The following CSMD1 variants were observed in gnomAD, a reference collection of about 807,000 sequenced individuals.
CSMD1 encodes CUB and sushi domain-containing protein 1.
A neutral mutation model predicts 417.5 loss-of-function variants in CSMD1; 213 were observed. That is an observed-to-expected ratio of 0.51 (90% CI 0.46 to 0.57). The LOEUF (loss-of-function observed/expected upper bound fraction) is 0.57, where lower values mean the gene tolerates loss of function less well. Ranked by LOEUF, CSMD1 falls within the 20% of genes least tolerant of loss-of-function variation. The probability of loss-of-function intolerance (pLI) is 0.00; values close to 1 mark genes in which losing one functional copy is unlikely to be tolerated. For synonymous variants in CSMD1, 2,862 were observed against 1,736.8 expected (o/e 1.65, Z -16.11); for missense variants, 6,923 against 4,529.7 (o/e 1.53, Z -15.17).
At chr8:4,932,774 G>C (rs144653048) in intron 1 of CSMD1, among the ~76,000 whole-genome samples, 1 of 152,090 alleles carries the variant, frequency 6.6e-6, no homozygotes, top group African/African-American at 2.4e-5. Context: ...CTGACTTAAA[G>C]GTAAATTTTT....
At chr8:3,197,241 G>A (rs7835243) in intron 33 of CSMD1, among the ~76,000 whole-genome samples, 99,831 of 151,972 alleles carry the variant, frequency 0.66, 34,136 homozygotes, top group Non-Finnish European at 0.76. Context: ...GGAGTCACAC[G>A]TTTTTTTGCA....
chr8:4,108,186 C>G (rs1191431905), intron 3 of CSMD1, among the ~76,000 whole-genome samples: 5 of 152,000 alleles, frequency 3.3e-5, no homozygotes, highest in Non-Finnish European at 7.4e-5. Flanking sequence ...TTGTATCAGA[C>G]TCTATGGGAA....
At chr8:4,403,667 T>G (rs964593994) in intron 3 of CSMD1, among the ~76,000 whole-genome samples, 3 of 152,070 alleles carry the variant, frequency 2.0e-5, no homozygotes, top group Non-Finnish European at 4.4e-5. Flanking sequence ...CTCTCTAGAG[T>G]CTAACCCCTA....
intron 27 of CSMD1, 44 bp from the exon 28 acceptor site, chr8:3,223,911 A>G: frequency 6.2e-7 from 1 of 1,602,150 alleles, no homozygotes; most frequent in Non-Finnish European, 8.5e-7. Context: ...AGGACAGCGA[A>G]GAACGCCTGC....
chr8:3,115,459 C>A (rs542221949), intron 42 of CSMD1, among the ~76,000 whole-genome samples: 106 of 152,300 alleles, frequency 7.0e-4, no homozygotes, highest in Non-Finnish European at 1.3e-3. Context: ...ACCTCGGTCT[C>A]CCAAAGTGTT....
intron 10 of CSMD1, among the ~76,000 whole-genome samples, chr8:3,569,485 T>C (rs557814905): frequency 4.6e-5 from 7 of 152,216 alleles, no homozygotes; most frequent in East Asian, 1.9e-4. Flanking sequence ...TAAGAGAGAA[T>C]TGGCGTCGGA....
At chr8:4,273,375 G>A (rs143063722) in intron 3 of CSMD1, among the ~76,000 whole-genome samples, 65 of 152,184 alleles carry the variant, frequency 4.3e-4, no homozygotes, top group African/African-American at 1.5e-3. Context: ...AAATGGATGG[G>A]TTTCTGGATT....
intron 23 of CSMD1, among the ~76,000 whole-genome samples, chr8:3,311,030 G>T (rs1357171537): frequency 1.3e-5 from 2 of 152,100 alleles, no homozygotes; most frequent in African/African-American, 2.4e-5. Context: ...AACAAATGAG[G>T]TTACGTCCCA....
chr8:4,025,403 T>C (rs1797009381), intron 4 of CSMD1, among the ~76,000 whole-genome samples: 1 of 152,196 alleles, frequency 6.6e-6, no homozygotes, highest in African/African-American at 2.4e-5. Flanking sequence ...TTATAATCTA[T>C]CCTAGGCTGT....
At chr8:3,964,971 G>C (rs1001501098) in intron 5 of CSMD1, among the ~76,000 whole-genome samples, 2 of 152,154 alleles carry the variant, frequency 1.3e-5, no homozygotes, top group Non-Finnish European at 2.9e-5. Context: ...TTCTTGGAGA[G>C]TCACAGCAAA....
At chr8:4,149,464 C>A (rs1233119029) in intron 3 of CSMD1, among the ~76,000 whole-genome samples, 1 of 152,062 alleles carries the variant, frequency 6.6e-6, no homozygotes, top group Non-Finnish European at 1.5e-5. Flanking sequence ...AGGAAATCTT[C>A]CAATATATTT....
intron 3 of CSMD1, among the ~76,000 whole-genome samples, chr8:4,080,027 A>T (rs1384436987): frequency 2.6e-5 from 4 of 151,976 alleles, no homozygotes; most frequent in Non-Finnish European, 5.9e-5. Context: ...CTAGATATCA[A>T]AAGGGTGGTG....
intron 26 of CSMD1, among the ~76,000 whole-genome samples, chr8:3,244,084 C>G (rs1799721982): frequency 6.6e-6 from 1 of 152,172 alleles, no homozygotes; most frequent in South Asian, 2.1e-4. Flanking sequence ...GAAGCAGTCG[C>G]ATCTAGTACA....
intron 3 of CSMD1, among the ~76,000 whole-genome samples, chr8:4,414,561 G>A (rs1206807836): frequency 6.6e-6 from 1 of 152,064 alleles, no homozygotes; most frequent in Admixed American, 6.5e-5. Flanking sequence ...CCATACTATA[G>A]ATCATATAAT....
intron 9 of CSMD1, among the ~76,000 whole-genome samples, chr8:3,585,817 G>A (rs904414907): frequency 1.3e-5 from 2 of 152,114 alleles, no homozygotes; most frequent in African/African-American, 4.8e-5. Context: ...CTTTCCGGCA[G>A]GTCCAGCTGT....
chr8:3,322,251 A>G (rs556480551), intron 23 of CSMD1, among the ~76,000 whole-genome samples: 58 of 152,102 alleles, frequency 3.8e-4, no homozygotes, highest in South Asian at 1.7e-3. Context: ...ATTTTCCTTC[A>G]CCTCCTGATG....
intron 5 of CSMD1, among the ~76,000 whole-genome samples, chr8:3,991,851 A>G (rs967762524): frequency 6.6e-6 from 1 of 152,134 alleles, no homozygotes; most frequent in Non-Finnish European, 1.5e-5. Context: ...ATATTTAACT[A>G]CTTTGAAGCC....
intron 3 of CSMD1, among the ~76,000 whole-genome samples, chr8:4,380,288 C>T (rs1273922303): frequency 2.6e-5 from 4 of 152,138 alleles, no homozygotes; most frequent in African/African-American, 9.7e-5. Flanking sequence ...CTAAGGTCAG[C>T]ATCTGCAGTG....
intron 7 of CSMD1, among the ~76,000 whole-genome samples, chr8:3,644,807 C>T (rs1212673988): frequency 6.6e-6 from 1 of 151,916 alleles, no homozygotes; most frequent in African/African-American, 2.4e-5. Context: ...AGCATTTCCA[C>T]TTAACATCCT....
Sources: gnomAD v4.1 joint callset for allele counts (sites outside exome capture counted in the v4.1 genomes callset) on GRCh38, gnomAD v4.1.1 for gene constraint, MANE v1.5 for transcripts, NCBI Gene and HGNC (gene_info 2026-07-23, HGNC 2026-07-21) for gene names.